Variants in TBXAS1 observed in about 807,000 individuals in gnomAD.
TBXAS1 encodes thromboxane A synthase 1, also known as thromboxane-A synthase.
In TBXAS1, 48 loss-of-function variants were observed where a neutral mutation model predicts 60.7. The ratio of observed to expected loss-of-function variants is 0.79; its 90% CI spans 0.63 to 1.01. The LOEUF is 1.01. TBXAS1 is among the 50% of genes least tolerant of loss of function. TBXAS1 has a pLI of 0.00. For synonymous variants in TBXAS1, 287 were observed against 269.7 expected (o/e 1.06, Z -0.63); for missense variants, 685 against 686.3 (o/e 1.00, Z 0.02).
chr7:140,019,101 A>C (rs1342998272), intron 12 of TBXAS1, among the ~76,000 whole-genome samples: 1 of 152,240 alleles, frequency 6.6e-6, no homozygotes, highest in African/African-American at 2.4e-5. Flanking sequence ...CACAGTTGAC[A>C]GATAGCAACA....
intron 10 of TBXAS1, among the ~76,000 whole-genome samples, chr7:140,011,754 T>C (rs1814637644): frequency 6.6e-6 from 1 of 152,188 alleles, no homozygotes; most frequent in Non-Finnish European, 1.5e-5. Context: ...TGGAGATGGA[T>C]GGCAGTGCTG....
chr7:139,979,766 T>TAATAAA (rs918239823), intron 9 of TBXAS1, among the ~76,000 whole-genome samples: 4 of 138,938 alleles, frequency 2.9e-5, no homozygotes, highest in African/African-American at 1.1e-4. Context: ...ATAATAATAA[T>TAATAAA]AAATAAATAG....
intron 9 of TBXAS1, among the ~76,000 whole-genome samples, chr7:140,003,762 G>A (rs74861208): frequency 0.018 from 2,803 of 151,994 alleles, 83 homozygotes; most frequent in African/African-American, 0.063. Context: ...TTTGTGTACC[G>A]CACCTCTGTT....
intron 4 of TBXAS1, among the ~76,000 whole-genome samples, chr7:139,911,537 G>C (rs1805521041): frequency 6.6e-6 from 1 of 152,212 alleles, no homozygotes; most frequent in Admixed American, 6.5e-5. Context: ...CTTCAAGAAA[G>C]CTAAAGCTCA....
chr7:139,791,813 T>C (rs998343168), intron 4 of TBXAS1, among the ~76,000 whole-genome samples: 1 of 151,780 alleles, frequency 6.6e-6, no homozygotes, highest in Non-Finnish European at 1.5e-5. Flanking sequence ...GTTTTGTTTT[T>C]TTTTTTTTTT....
chr7:139,945,763 A>G (rs1808653953), intron 5 of TBXAS1, among the ~76,000 whole-genome samples: 1 of 152,208 alleles, frequency 6.6e-6, no homozygotes, highest in Non-Finnish European at 1.5e-5. Context: ...GAATCCTGGC[A>G]TGGCTTAGCT....
chr7:139,781,282 C>T (rs537926852), intron 2 of TBXAS1, among the ~76,000 whole-genome samples: 2 of 152,266 alleles, frequency 1.3e-5, no homozygotes, highest in African/African-American at 2.4e-5. Flanking sequence ...CCTTTCCTTC[C>T]GGTGACTGCA....
At chr7:139,984,647 A>G (rs1812241262) in intron 9 of TBXAS1, among the ~76,000 whole-genome samples, 1 of 147,018 alleles carries the variant, frequency 6.8e-6, no homozygotes, top group African/African-American at 2.6e-5. Flanking sequence ...AGAGAGAAAG[A>G]AAGAAAGGGA....
At chr7:139,935,836 G>A (rs1157465279) in intron 4 of TBXAS1, among the ~76,000 whole-genome samples, 2 of 151,768 alleles carry the variant, frequency 1.3e-5, no homozygotes, top group East Asian at 1.9e-4. Flanking sequence ...TCCCAGGAAA[G>A]ACTAGGCCAT....
intron 3 of TBXAS1, among the ~76,000 whole-genome samples, chr7:139,884,144 C>T (rs184837441): frequency 3.9e-5 from 6 of 152,346 alleles, no homozygotes; most frequent in Non-Finnish European, 7.4e-5. Context: ...AAAAGCCCAC[C>T]GTTCACAGCT....
At chr7:139,868,233 C>A (rs1801567483) in intron 1 of TBXAS1, among the ~76,000 whole-genome samples, 1 of 152,214 alleles carries the variant, frequency 6.6e-6, no homozygotes. Context: ...CTGCTTTACA[C>A]AGTAGCATCC....
intron 4 of TBXAS1, among the ~76,000 whole-genome samples, chr7:139,920,692 G>A (rs146926574): frequency 2.0e-5 from 3 of 152,088 alleles, no homozygotes; most frequent in Admixed American, 2.0e-4. Context: ...ATTAAAACAG[G>A]GCCAAAGGAT....
At chr7:139,944,724 G>A (rs1450316372) in intron 5 of TBXAS1, among the ~76,000 whole-genome samples, 1 of 152,126 alleles carries the variant, frequency 6.6e-6, no homozygotes, top group Admixed American at 6.5e-5. Context: ...CCCTCTTCGT[G>A]TGTGGATCAA....
chr7:139,809,237 A>AGATAGATAGATAGATAGAT (rs1797960576), intron 4 of TBXAS1, among the ~76,000 whole-genome samples: 2 of 38,850 alleles, frequency 5.1e-5, no homozygotes, highest in Admixed American at 5.0e-4. Flanking sequence ...GATAGATGAT[A>AGATAGATAGATAGATAGAT]GATAGATAGA....
At position 139,962,017 on chromosome 7, in the gene TBXAS1, T is replaced by G. The variant is rs770018092; in HGVS notation, c.918T>G (p.Ser306=). ...ACATCGTCAGAGACGTTTTCTCCTCTACTGGGTGCAAGCCGAACCCTTCCC... is the reference window on the plus strand; with the variant it reads ...ACATCGTCAGAGACGTTTTCTCCTCGACTGGGTGCAAGCCGAACCCTTCCC... ...DFDIVRDVFS[S]TGCKPNPSRQ... Residue 306 remains serine, a synonymous_variant, in exon 9 of 13, where the codon TCT becomes TCG. Transcript: ENST00000448866. The G allele has an allele frequency of 3.1e-6, 5 of 1,614,224 alleles. No individual in the cohort carries two copies. The highest frequency in any genetic ancestry group is 4.2e-6 in the Non-Finnish European group (5 of 1,180,032).
At position 139,986,795 on chromosome 7, in the gene TBXAS1, GTGTGTATATATATATATA is replaced by G. The variant is rs1228091601; in HGVS notation, c.1135-20294_1135-20277del. Reference sequence around the variant, plus strand: ...TGTGTGTGTGTGTGTGTGTGTGTGTGTGTGTATATATATATATATATACACCATAGTTTCTTTATCCAC... The same window carrying G: ...TGTGTGTGTGTGTGTGTGTGTGTGTGTATACACCATAGTTTCTTTATCCAC... On this transcript the variant is annotated intron_variant, in intron 9 of 12. Transcript: ENST00000448866. 4.9e-3 allele frequency among the ~76,000 whole-genome samples: 202 copies of G among 41,614 alleles called. 4 individuals are homozygous for G. The highest frequency in any genetic ancestry group is 0.034 in the East Asian group (8 of 238). The allele number at this position is 41,614 out of a possible 152,430, so 27.3% of individuals were successfully genotyped here.
chr7:139,943,209 C>A (rs1440089294), intron 5 of TBXAS1, among the ~76,000 whole-genome samples: 2 of 152,156 alleles, frequency 1.3e-5, no homozygotes, highest in Non-Finnish European at 2.9e-5. Context: ...AAATGAACGT[C>A]ATTATAACCA....
intron 9 of TBXAS1, among the ~76,000 whole-genome samples, chr7:140,000,221 C>T (rs1415031396): frequency 6.6e-6 from 1 of 152,060 alleles, no homozygotes; most frequent in Non-Finnish European, 1.5e-5. Flanking sequence ...AATATTGGGC[C>T]AGGCAGAGTG....
At chr7:139,955,631 C>T (rs376797478) in intron 7 of TBXAS1, 24 bp downstream of exon 7, 57 of 1,613,166 alleles carry the variant, frequency 3.5e-5, no homozygotes, top group East Asian at 1.1e-4. Context: ...CAGCCCGGGG[C>T]GCTGCGATGA....
Sources: gnomAD v4.1 joint callset for allele counts (sites outside exome capture counted in the v4.1 genomes callset) on GRCh38, gnomAD v4.1.1 for gene constraint, MANE v1.5 for transcripts, NCBI Gene and HGNC (gene_info 2026-07-23, HGNC 2026-07-21) for gene names.